The following PRKAR1B variants were observed in gnomAD, a reference collection of about 807,000 sequenced individuals.
The protein encoded by PRKAR1B is protein kinase cAMP-dependent type I regulatory subunit beta.
In PRKAR1B, 22 loss-of-function variants were observed where a neutral mutation model predicts 46.5. That is an observed-to-expected ratio of 0.47 (90% CI 0.34 to 0.68). The LOEUF (loss-of-function observed/expected upper bound fraction) is 0.68, where lower values mean the gene tolerates loss of function less well. PRKAR1B is among the 30% of genes least tolerant of loss of function. The pLI is 0.01. For synonymous variants in PRKAR1B, 259 were observed against 217.7 expected, an observed-to-expected ratio of 1.19 and a Z score of -1.67; for missense variants, 445 against 535.6, an observed-to-expected ratio of 0.83 and a Z score of 1.67.
At chr7:665,757 A>G (rs7786484) in intron 4 of PRKAR1B, among the ~76,000 whole-genome samples, 119,342 of 152,178 alleles carry the variant, frequency 0.78, 46,879 homozygotes, top group South Asian at 0.88. Context: ...GTGAAGGCTC[A>G]GAGAAGCCAG....
chr7:604,283 G>A (rs1406245502), intron 6 of PRKAR1B, among the ~76,000 whole-genome samples: 1 of 152,230 alleles, frequency 6.6e-6, no homozygotes, highest in African/African-American at 2.4e-5. Flanking sequence ...AAGCCAGCAG[G>A]AGATGACTCT....
intron 6 of PRKAR1B, among the ~76,000 whole-genome samples, chr7:600,039 T>TG (rs1781503170): frequency 6.6e-6 from 1 of 152,178 alleles, no homozygotes; most frequent in Non-Finnish European, 1.5e-5. Context: ...TGCCAGGAGC[T>TG]GGGGGAGGCG....
intron 5 of PRKAR1B, 100 bp from the exon 6 acceptor site, chr7:606,339 C>A: frequency 1.0e-6 from 1 of 979,814 alleles, no homozygotes; most frequent in East Asian, 2.5e-5. Context: ...TGCAGAGACC[C>A]TCGAAGCAAC....
rs147200162 is a variant in PRKAR1B, at chr7:724,484, C to A, written c.-23+2726G>T. Among the ~76,000 whole-genome samples the A allele has an allele frequency of 1.6e-3, 238 of 152,326 alleles. 1 individual carries two copies. Among genetic ancestry groups the A allele is most frequent in the African/African-American group, 5.4e-3 (224 of 41,564 alleles). Reference sequence around the variant, plus strand: ...CATGTAAGATGTGACTTGCTCCTTCCCGCCTTCGGCCATCATTGTGAGGCC... The same window carrying A: ...CATGTAAGATGTGACTTGCTCCTTCACGCCTTCGGCCATCATTGTGAGGCC... On this transcript the variant is annotated intron_variant, in intron 1 of 10. Coordinates refer to ENST00000537384, the MANE Select transcript of PRKAR1B (RefSeq NM_001164760.2).
intron 4 of PRKAR1B, among the ~76,000 whole-genome samples, chr7:637,596 G>A (rs1403147837): frequency 2.0e-5 from 3 of 152,186 alleles, no homozygotes. Context: ...CACTTTGGGA[G>A]GCCGAGGTGG....
At chr7:579,128 C>T (rs1034155623) in intron 9 of PRKAR1B, 128 bp downstream of exon 9, 31 of 1,563,920 alleles carry the variant, frequency 2.0e-5, no homozygotes, top group Non-Finnish European at 2.3e-5. Flanking sequence ...AGGCCCCGGA[C>T]GGGCGTGCGG....
intron 8 of PRKAR1B, among the ~76,000 whole-genome samples, chr7:581,159 C>T (rs1437760276): frequency 1.3e-5 from 2 of 151,960 alleles, no homozygotes; most frequent in Non-Finnish European, 1.5e-5. Context: ...AAAAATTAGC[C>T]GGGTGTGGTG....
At chr7:722,806 T>C (rs1781120230) in intron 1 of PRKAR1B, among the ~76,000 whole-genome samples, 1 of 152,268 alleles carries the variant, frequency 6.6e-6, no homozygotes, top group Admixed American at 6.5e-5. Flanking sequence ...GATCTCCAGA[T>C]GTATCCTGGA....
intron 1 of PRKAR1B, among the ~76,000 whole-genome samples, chr7:716,331 C>G (rs1163761519): frequency 6.6e-6 from 1 of 151,268 alleles, no homozygotes; most frequent in African/African-American, 2.4e-5. Context: ...GCTGGGACTA[C>G]AGGTATGAGC....
chr7:580,980 C>A (rs930088056), intron 8 of PRKAR1B, among the ~76,000 whole-genome samples: 3 of 152,176 alleles, frequency 2.0e-5, no homozygotes, highest in East Asian at 1.9e-4. Flanking sequence ...GACCCCACAA[C>A]CAGAGCTGTT....
chr7:692,426 GAC>G (rs1168863387), intron 2 of PRKAR1B, among the ~76,000 whole-genome samples: 1 of 148,942 alleles, frequency 6.7e-6, no homozygotes, highest in African/African-American at 2.6e-5. Flanking sequence ...GAGACAGAGA[GAC>G]AGAGAGAGAG....
chr7:565,927 C>T lies in PRKAR1B; in HGVS notation c.891+13329G>A, dbSNP rs547685254. ...GGCAAGGATGTGGGTACCCCCGGAA[C>T]ACTGCCAAGGGCTTTACCTCTGCAA... On this transcript the variant is annotated intron_variant, in intron 9 of 10. Transcript: ENST00000537384. Among the ~76,000 whole-genome samples the T allele has an allele frequency of 1.1e-4, 17 of 152,338 alleles. 1 individual carries two copies. In the South Asian group the frequency reaches 3.5e-3, roughly 32 times the overall value.
At chr7:599,364 C>T (rs571672494) in intron 6 of PRKAR1B, among the ~76,000 whole-genome samples, 24 of 151,800 alleles carry the variant, frequency 1.6e-4, no homozygotes, top group Non-Finnish European at 3.1e-4. Context: ...ATGGTGCGAT[C>T]TCGGCTCACC....
intron 2 of PRKAR1B, among the ~76,000 whole-genome samples, chr7:707,965 C>T (rs1245868851): frequency 6.6e-6 from 1 of 151,748 alleles, no homozygotes; most frequent in Non-Finnish European, 1.5e-5. Flanking sequence ...GGAGCCATCC[C>T]ACCACACCTT....
intron 2 of PRKAR1B, among the ~76,000 whole-genome samples, chr7:702,559 C>G (rs1239196758): frequency 3.3e-5 from 5 of 152,180 alleles, no homozygotes; most frequent in Non-Finnish European, 2.9e-5. Flanking sequence ...GCGTGGGGCT[C>G]ACACCTGTAA....
In PRKAR1B at chr7:714,080, ACTCC is replaced by A. The variant is rs1217284220; in HGVS notation, c.-22-2557_-22-2554del. Among the ~76,000 whole-genome samples the A allele has an allele frequency of 6.7e-6, 1 of 149,664 alleles. No individual in the cohort carries two copies. Among genetic ancestry groups the A allele is most frequent in the Non-Finnish European group, 1.5e-5 (1 of 67,468 alleles). ...ATCACGTGCTCCCCGCGGCCCCTCC[ACTCC>A]CTCCTCCTCCTCCTCCAATTACTCC... is the stretch of plus-strand genomic sequence containing the variant. On this transcript the variant is annotated intron_variant, in intron 1 of 10. Coordinates refer to ENST00000537384, the MANE Select transcript of PRKAR1B (RefSeq NM_001164760.2). The surrounding 1 kb of genome is among the most constrained non-coding windows in gnomAD (Gnocchi z 4.3).
At chr7:581,119 C>T (rs1445220674) in intron 8 of PRKAR1B, among the ~76,000 whole-genome samples, 2 of 151,914 alleles carry the variant, frequency 1.3e-5, no homozygotes, top group East Asian at 1.9e-4. Flanking sequence ...CTGGCTAACA[C>T]GGTGAAACGC....
At chr7:726,314 G>A (rs1006247045) in intron 1 of PRKAR1B, among the ~76,000 whole-genome samples, 65 of 152,304 alleles carry the variant, frequency 4.3e-4, no homozygotes, top group East Asian at 7.7e-4. Context: ...CCTTCCCAAA[G>A]CCAGAGGGGC....
chr7:572,058 C>A (rs1046152748), intron 9 of PRKAR1B, among the ~76,000 whole-genome samples: 1 of 152,212 alleles, frequency 6.6e-6, no homozygotes, highest in Non-Finnish European at 1.5e-5. Flanking sequence ...GGGGCTGCCC[C>A]CCAACCTTTG....
Sources: gnomAD v4.1 joint callset for allele counts (sites outside exome capture counted in the v4.1 genomes callset) on GRCh38, gnomAD v4.1.1 for gene constraint, Gnocchi (gnomAD v3.1) non-coding constraint, MANE v1.5 for transcripts, NCBI Gene and HGNC (gene_info 2026-07-23, HGNC 2026-07-21) for gene names.